The following MEG3 variants were observed in gnomAD, a reference collection of about 807,000 sequenced individuals.
MEG3 encodes the protein Very putative protein from MEG3 locus.
exon 1 of MEG3, chr14:100,834,318 T>C: frequency 4.8e-6 from 1 of 209,452 alleles, no homozygotes; most frequent in East Asian, 1.3e-4. Context: ...CTGTTAGTGC[T>C]GCAGTAGCTC....
upstream of MEG3, chr14:100,853,489 C>T (rs1595302976): frequency 6.6e-6 from 1 of 152,280 alleles, no homozygotes; most frequent in East Asian, 1.9e-4. Flanking sequence ...TACATTCTTA[C>T]AGGCATACTT....
chr14:100,829,950 A>T (rs1218304838), downstream of MEG3: 1 of 152,136 alleles, frequency 6.6e-6, no homozygotes, highest in Non-Finnish European at 1.5e-5. Context: ...GCTGAAAGGG[A>T]GAGAGGACCC....
intron 3 of MEG3, chr14:100,847,344 G>A (rs1177205549): frequency 6.6e-6 from 1 of 152,248 alleles, no homozygotes. Context: ...ATGAGCAGTG[G>A]GAGTGCAGCG....
chr14:100,828,174 C>T (rs1217659684), intron 1 of MEG3, among the ~76,000 whole-genome samples: 1 of 151,998 alleles, frequency 6.6e-6, no homozygotes, highest in East Asian at 1.9e-4. Flanking sequence ...GCCCGCCGGG[C>T]GCGGGCCGGG....
At chr14:100,832,972 T>G (rs1041204204), downstream of MEG3, 3 of 152,224 alleles carry the variant, frequency 2.0e-5, no homozygotes, top group Non-Finnish European at 4.4e-5. Flanking sequence ...CAGGACCCAT[T>G]GAGGACATCC....
chr14:100,829,279 A>G (rs1395188190), downstream of MEG3: 4 of 152,254 alleles, frequency 2.6e-5, no homozygotes, highest in Non-Finnish European at 5.9e-5. Context: ...TTCACCTGCT[A>G]GCAAACTGGA....
At chr14:100,842,814 A>G (rs2139975260) in intron 2 of MEG3, among the ~76,000 whole-genome samples, 1 of 152,308 alleles carries the variant, frequency 6.6e-6, no homozygotes, top group African/African-American at 2.4e-5. Flanking sequence ...GCTGTGGAAG[A>G]TGTTTTTGGA....
chr14:100,826,593 G>A (rs1002713285), intron 1 of MEG3, among the ~76,000 whole-genome samples: 1 of 152,128 alleles, frequency 6.6e-6, no homozygotes, highest in Non-Finnish European at 1.5e-5. Flanking sequence ...CTCTAGAATC[G>A]CGTTAATAGT....
At chr14:100,834,600 C>A in exon 1 of MEG3, 1 of 437,454 alleles carries the variant, frequency 2.3e-6, no homozygotes, top group Middle Eastern at 4.9e-4. Flanking sequence ...CTTCCTCTCT[C>A]TCAATATCTC....
chr14:100,850,603 C>CAAAAA (rs778741543), intron 3 of MEG3: 1 of 97,990 alleles, frequency 1.0e-5, no homozygotes, highest in African/African-American at 4.5e-5. Flanking sequence ...TATCTTAGAT[C>CAAAAA]AAAAAAGAAA....
intron 2 of MEG3, among the ~76,000 whole-genome samples, chr14:100,844,603 G>A (rs951980035): frequency 2.0e-5 from 3 of 152,230 alleles, no homozygotes; most frequent in African/African-American, 7.2e-5. Context: ...TGTTTGTTCC[G>A]ATCGATGGAA....
intron 1 of MEG3, chr14:100,860,551 C>G: frequency 2.3e-6 from 1 of 428,324 alleles, no homozygotes; most frequent in Non-Finnish European, 4.7e-6. Flanking sequence ...TCCCCTCACC[C>G]TCCATGCTGC....
exon 2 of MEG3, chr14:100,860,797 A>G (rs1179188626): frequency 3.0e-5 from 13 of 437,934 alleles, no homozygotes; most frequent in Non-Finnish European, 4.6e-6. Flanking sequence ...CCTCTGACTG[A>G]TGGACGCCGC....
exon 2 of MEG3, chr14:100,828,764 C>T (rs2037320706): frequency 6.6e-6 from 1 of 152,116 alleles, no homozygotes; most frequent in Middle Eastern, 3.4e-3. Context: ...AGGACCACCT[C>T]CTCTCCATGC....
Position 100,845,122 on chromosome 14 carries a change from C to G in MEG3, n.3046-336C>G, listed in dbSNP as rs1163683701. Among the ~76,000 whole-genome samples, 2 of 152,194 alleles carry G rather than the reference C, an allele frequency of 1.3e-5. No homozygotes were observed. Among genetic ancestry groups the G allele is most frequent in the Non-Finnish European group, 2.9e-5 (2 of 68,040 alleles). ...CTTCTGCCAGAGCACAGGTTCATGCCCTGTCTTCAGGGCCTGGGCCACCCC... is the reference window on the plus strand; with the variant it reads ...CTTCTGCCAGAGCACAGGTTCATGCGCTGTCTTCAGGGCCTGGGCCACCCC... On this transcript the variant is annotated intron_variant and non_coding_transcript_variant, in intron 2 of 3. Transcript: ENST00000398461. This position sits in a 1 kb window ranked among gnomAD's most constrained non-coding sequence, Gnocchi z 5.2.
At chr14:100,841,188 C>T (rs186813795) in intron 2 of MEG3, among the ~76,000 whole-genome samples, 157 of 152,308 alleles carry the variant, frequency 1.0e-3, no homozygotes, top group African/African-American at 3.4e-3. Context: ...AAGTCCCTGC[C>T]GTGACAGGAG....
At chr14:100,854,786 A>G (rs1213218839), upstream of MEG3, 1 of 152,626 alleles carries the variant, frequency 6.6e-6, no homozygotes, top group African/African-American at 2.4e-5. Flanking sequence ...TCTTAGGGGA[A>G]TTGGGTTCCC....
Position 100,845,628 on chromosome 14 carries a change from G to C in MEG3, n.3121+95G>C. On this transcript the variant is annotated intron_variant and non_coding_transcript_variant, in intron 3 of 3. Transcript: ENST00000398461. The surrounding 1 kb of genome is among the most constrained non-coding windows in gnomAD (Gnocchi z 5.2). ...ACACCGCCAGGCGGACCTCGTGGAG[G>C]GGCTGGCGGGCACTGGCCGGGGGTC... 1 of 399,476 alleles carries C rather than the reference G, an allele frequency of 2.5e-6. No individual in the cohort carries two copies. Among genetic ancestry groups the C allele is most frequent in the South Asian group, 1.8e-5 (1 of 55,042 alleles). 24.7% of individuals were successfully genotyped at this position (399,476 alleles called of 1,614,324 possible).
At chr14:100,857,668 C>G (rs1205693207) in exon 1 of MEG3, 2 of 152,176 alleles carry the variant, frequency 1.3e-5, no homozygotes, top group East Asian at 1.9e-4. Context: ...GCCCCCCATT[C>G]CAACGTGGGC....
Sources: allele counts gnomAD v4.1 joint callset (sites outside exome capture counted in the v4.1 genomes callset), GRCh38; gene constraint gnomAD v4.1.1; non-coding constraint Gnocchi (gnomAD v3.1); transcripts MANE v1.5; gene names NCBI Gene and HGNC (gene_info 2026-07-23, HGNC 2026-07-21).